Variants in LRRIQ1 observed in about 807,000 individuals in gnomAD.
LRRIQ1 encodes leucine rich repeats and IQ motif containing 1.
Under a neutral mutation model 211.9 loss-of-function variants are expected in LRRIQ1, and 210 were observed. The ratio of observed to expected loss-of-function variants is 0.99; its 90% CI spans 0.89 to 1.11. LRRIQ1 has a LOEUF of 1.11. Among genes scored for constraint, LRRIQ1 ranks in the 50% most tolerant of loss-of-function variants. The pLI is 0.00. For missense variants in LRRIQ1, 2,136 were observed against 1,939.5 expected (o/e 1.10, Z -1.90); for synonymous variants, 699 against 650.1 (o/e 1.08, Z -1.14).
chr12:85,182,156 C>A (rs150803842), intron 24 of LRRIQ1, among the ~76,000 whole-genome samples: 4 of 152,036 alleles, frequency 2.6e-5, no homozygotes, highest in African/African-American at 9.6e-5. Context: ...GAAAATCTTC[C>A]CCTTTTGTAC....
At chr12:85,106,109 T>G (rs1324647683) in intron 14 of LRRIQ1, among the ~76,000 whole-genome samples, 1 of 152,154 alleles carries the variant, frequency 6.6e-6, no homozygotes, top group Non-Finnish European at 1.5e-5. Context: ...TATTGACTTT[T>G]TTAAGGTAAA....
At chr12:85,181,632 C>T (rs1480812368) in intron 24 of LRRIQ1, among the ~76,000 whole-genome samples, 2 of 151,938 alleles carry the variant, frequency 1.3e-5, no homozygotes, top group Non-Finnish European at 2.9e-5. Context: ...TATCATCACA[C>T]AAATGCTAAA....
chr12:85,102,955 A>ATATATATATATATATATATATAT (rs1555207722), intron 13 of LRRIQ1, among the ~76,000 whole-genome samples: 4 of 119,410 alleles, frequency 3.3e-5, no homozygotes, highest in East Asian at 2.9e-4. Flanking sequence ...AAAAAAAAAA[A>ATATATATATATATATATATATAT]AAAAATATAT....
At chr12:85,242,707 T>C (rs1265790167) in intron 26 of LRRIQ1, among the ~76,000 whole-genome samples, 1 of 151,950 alleles carries the variant, frequency 6.6e-6, no homozygotes, top group Non-Finnish European at 1.5e-5. Flanking sequence ...CATATCGCTG[T>C]GCCAGATTCA....
intron 7 of LRRIQ1, among the ~76,000 whole-genome samples, chr12:85,055,292 A>G (rs1465629780): frequency 1.3e-5 from 2 of 151,972 alleles, no homozygotes; most frequent in Non-Finnish European, 2.9e-5. Flanking sequence ...TCTTCAAGGA[A>G]ATCTTCAATT....
At chr12:85,167,101 C>T (rs2136778364) in intron 24 of LRRIQ1, among the ~76,000 whole-genome samples, 1 of 152,192 alleles carries the variant, frequency 6.6e-6, no homozygotes, top group South Asian at 2.1e-4. Context: ...AGACTCATTG[C>T]CCTATGCAAT....
chr12:85,225,640 A>G (rs995418118), intron 24 of LRRIQ1, among the ~76,000 whole-genome samples: 13 of 152,200 alleles, frequency 8.5e-5, no homozygotes, highest in South Asian at 2.1e-4. Context: ...GGTTGATAAT[A>G]TAGGGAATTG....
At chr12:85,238,127 G>GA (rs888710015) in intron 26 of LRRIQ1, among the ~76,000 whole-genome samples, 10 of 149,202 alleles carry the variant, frequency 6.7e-5, no homozygotes, top group South Asian at 2.1e-4. Context: ...CACCTTAATT[G>GA]AAAAAAAAAT....
At chr12:85,131,471 A>G (rs369347098) in intron 18 of LRRIQ1, among the ~76,000 whole-genome samples, 13 of 152,208 alleles carry the variant, frequency 8.5e-5, no homozygotes, top group African/African-American at 2.2e-4. Context: ...ACCCTACCCC[A>G]CTTAAAGGAT....
chr12:85,195,451 C>A lies in LRRIQ1; in HGVS notation c.4823-34066C>A, dbSNP rs554801424. Among the ~76,000 whole-genome samples the A allele has an allele frequency of 4.0e-5, 6 of 151,642 alleles. No individual in the cohort carries two copies. The South Asian group carries it at 6.2e-4, about 16-fold the overall frequency. ...TAAAATACTGGCAAAACGAATCCAG[C>A]AGCACATCAAAAAGCTTATCCACCA... is the stretch of plus-strand genomic sequence containing the variant. On this transcript the variant is annotated intron_variant, in intron 24 of 26. Transcript: ENST00000393217.
chr12:85,235,547 T>A lies in LRRIQ1; in HGVS notation c.5016+2791T>A, dbSNP rs148232138. Among the ~76,000 whole-genome samples, 331 of 152,244 alleles carry A rather than the reference T, an allele frequency of 2.2e-3. 2 individuals carry two copies. The highest frequency in any genetic ancestry group is 7.8e-3 in the African/African-American group (324 of 41,550). On this transcript the variant is annotated intron_variant, in intron 26 of 26. Transcript: ENST00000393217. ...AGGACTAGGCGTTAATAGTCCTGTA[T>A]CTCCTCAGGAGAAAGTATGACTTTG...
intron 24 of LRRIQ1, among the ~76,000 whole-genome samples, chr12:85,195,683 A>G (rs1892866081): frequency 6.6e-6 from 1 of 151,616 alleles, no homozygotes; most frequent in African/African-American, 2.4e-5. Flanking sequence ...TTTCAAAATA[A>G]TAAGAGCTAT....
intron 11 of LRRIQ1, among the ~76,000 whole-genome samples, chr12:85,095,910 T>C (rs1466000617): frequency 2.6e-5 from 4 of 152,186 alleles, no homozygotes; most frequent in Non-Finnish European, 4.4e-5. Flanking sequence ...ATTTATCTAC[T>C]TCCTGTATAT....
At chr12:85,215,214 A>T (rs2137090883) in intron 24 of LRRIQ1, among the ~76,000 whole-genome samples, 1 of 152,324 alleles carries the variant, frequency 6.6e-6, no homozygotes, top group East Asian at 1.9e-4. Context: ...AATATATTAT[A>T]ATTTGGGGTA....
chr12:85,046,994 G>C (rs1215125523), intron 5 of LRRIQ1, among the ~76,000 whole-genome samples: 1 of 142,694 alleles, frequency 7.0e-6, no homozygotes, highest in African/African-American at 2.6e-5. Flanking sequence ...ACACACCAGG[G>C]CCTCTCATGG....
intron 19 of LRRIQ1, among the ~76,000 whole-genome samples, chr12:85,142,123 T>G (rs1360183012): frequency 6.6e-6 from 1 of 151,562 alleles, no homozygotes; most frequent in African/African-American, 2.4e-5. Context: ...TGCCATTTTG[T>G]TAGCATTTCT....
rs563890888 is a variant in LRRIQ1 at position 85,245,000 on chromosome 12, G to T, written c.*59G>T. ...ACAAGCATTCTTTTTCAGATAGGGG[G>T]TAGGATGCCAGCAACCTGAACTGCC... On this transcript the variant is annotated 3_prime_UTR_variant, in exon 27 of 27. Transcript: ENST00000393217. The T allele has an allele frequency of 3.2e-6, 5 of 1,580,158 alleles. No homozygotes were observed. The South Asian group carries it at 5.8e-5, about 18-fold the overall frequency.
chr12:85,144,609 G>A (rs1487985808), intron 19 of LRRIQ1, among the ~76,000 whole-genome samples: 1 of 151,438 alleles, frequency 6.6e-6, no homozygotes, highest in African/African-American at 2.4e-5. Context: ...CGTAATAAAG[G>A]AAGAGAAAGT....
intron 26 of LRRIQ1, among the ~76,000 whole-genome samples, chr12:85,236,808 G>T (rs1565921217): frequency 1.2e-4 from 12 of 101,586 alleles, no homozygotes; most frequent in African/African-American, 2.1e-4. Flanking sequence ...TATATTTCTG[G>T]ATATATGTAT....
Sources: gnomAD v4.1 joint callset for allele counts (sites outside exome capture counted in the v4.1 genomes callset) on GRCh38, gnomAD v4.1.1 for gene constraint, MANE v1.5 for transcripts, NCBI Gene and HGNC (gene_info 2026-07-23, HGNC 2026-07-21) for gene names.